The following ZNF77 variants were observed in gnomAD, a reference collection of about 807,000 sequenced individuals.
ZNF77 encodes zinc finger protein 77, also known as ZNFpT1.
Under a neutral mutation model 13.5 loss-of-function variants are expected in ZNF77, and 15 were observed. The observed-to-expected ratio is 1.11, with a 90% CI of 0.74 to 1.71. The LOEUF is 1.71. Ranked by LOEUF, ZNF77 falls within the 40% of genes most tolerant of loss-of-function variation. ZNF77 has a pLI of 0.00. For missense variants in ZNF77, 717 were observed against 676.4 expected, an observed-to-expected ratio of 1.06 and a Z score of -0.67; for synonymous variants, 282 against 250.0, an observed-to-expected ratio of 1.13 and a Z score of -1.21.
chr19:2,939,779 C>A, intron 1 of ZNF77: 1 of 253,052 alleles, frequency 4.0e-6, no homozygotes, highest in South Asian at 4.6e-5. Flanking sequence ...GGCGACCAGC[C>A]TGGGCTGCAT....
At chr19:2,942,449 C>T (rs1481688226) in intron 1 of ZNF77, among the ~76,000 whole-genome samples, 2 of 144,810 alleles carry the variant, frequency 1.4e-5, no homozygotes, top group East Asian at 2.1e-4. Context: ...GCCTCAAACT[C>T]GTGGGCTCAA....
rs760526770 is a variant in ZNF77, at chr19:2,934,339, G to A, written c.788C>T (p.Thr263Ile). ...CTTACACTCATAGGGTTTCTCTCCT[G>A]TGTGAGTTCTTACGTGCCGTGTAAG... ...SYLTRHVRTH[T>I]GEKPYECKEC... Residue 263 changes from threonine (T) to isoleucine (I), a missense_variant, in exon 4 of 4, where the codon ACA (threonine) becomes ATA (isoleucine). By Grantham distance (89) the Thr-to-Ile change is moderately conservative. Transcript: ENST00000314531. 1.9e-6 allele frequency: 3 copies of A among 1,614,186 alleles called. No individual in the cohort carries two copies. The highest frequency in any genetic ancestry group is 1.1e-5 in the South Asian group (1 of 91,084).
chr19:2,935,281 G>T lies in ZNF77; in HGVS notation c.312-466C>A, dbSNP rs560686906. Among the ~76,000 whole-genome samples, 563 of 149,574 alleles carry T rather than the reference G, an allele frequency of 3.8e-3. 6 individuals are homozygous for T. The highest frequency in any genetic ancestry group is 0.013 in the African/African-American group (537 of 40,498). Reference sequence around the variant, plus strand: ...GATCCGCCTGCCTCGGCCTCCCAAAGTGCTGGGATTACAGGTGTGAGCCAC... The same window carrying T: ...GATCCGCCTGCCTCGGCCTCCCAAATTGCTGGGATTACAGGTGTGAGCCAC... On this transcript the variant is annotated intron_variant, in intron 3 of 3. Coordinates refer to ENST00000314531, the MANE Select transcript of ZNF77 (RefSeq NM_021217.3).
intron 1 of ZNF77, among the ~76,000 whole-genome samples, chr19:2,942,748 T>C (rs2144971158): frequency 6.6e-6 from 1 of 151,988 alleles, no homozygotes; most frequent in South Asian, 2.1e-4. Flanking sequence ...TTCACGCAGA[T>C]GACAAGGCCA....
chr19:2,935,528 T>C (rs963594756), intron 3 of ZNF77, among the ~76,000 whole-genome samples: 1 of 147,834 alleles, frequency 6.8e-6, no homozygotes, highest in Non-Finnish European at 1.5e-5. Context: ...ATGGGGTTTC[T>C]CCATGTTGGT....
At chr19:2,944,725 G>T in intron 1 of ZNF77, 113 bp downstream of exon 1, 2 of 1,379,788 alleles carry the variant, frequency 1.4e-6, no homozygotes, top group Non-Finnish European at 1.9e-6. Flanking sequence ...GGCGCTCGTC[G>T]TGCGCCGCCC....
intron 1 of ZNF77, among the ~76,000 whole-genome samples, chr19:2,943,214 C>A (rs548017076): frequency 3.3e-5 from 5 of 152,084 alleles, no homozygotes; most frequent in Non-Finnish European, 7.4e-5. Context: ...CTTATACCCC[C>A]ACCCCACTGC....
At position 2,934,490 on chromosome 19, in the gene ZNF77, C is replaced by G. The variant is rs2088377810; in HGVS notation, c.637G>C (p.Glu213Gln). The G allele has an allele frequency of 7.4e-6, 12 of 1,614,224 alleles. No individual in the cohort carries two copies. Among genetic ancestry groups the G allele is most frequent in the African/African-American group, 1.3e-5 (1 of 75,066 alleles). ...VKSLSSKKSY[E>Q]CQKCGKAFIC... Reference sequence around the variant, plus strand: ...AAAGCTTTTCCACATTTCTGACATTCATAAGACTTTTTACTGCTGAGACTT... The same window carrying G: ...AAAGCTTTTCCACATTTCTGACATTGATAAGACTTTTTACTGCTGAGACTT... Residue 213 changes from glutamate (E) to glutamine (Q), a missense_variant, in exon 4 of 4, where the codon GAA becomes CAA. Glu to Gln is a conservative substitution (Grantham distance 29). Coordinates refer to ENST00000314531, the MANE Select transcript of ZNF77 (RefSeq NM_021217.3).
In ZNF77 at chr19:2,933,988, T is replaced by A. The variant is rs771819659; in HGVS notation, c.1139A>T (p.Tyr380Phe). 4.3e-6 allele frequency: 7 copies of A among 1,614,066 alleles called. No individual in the cohort carries two copies. The highest frequency in any genetic ancestry group is 1.3e-5 in the African/African-American group (1 of 74,926). ...HMRMHTGEKP[Y>F]VCKQCGKAFG... Reference sequence around the variant, plus strand: ...GGCCTTCCCACACTGCTTGCACACATAGGGCTTCTCTCCGGTGTGCATTCT... The same window carrying A: ...GGCCTTCCCACACTGCTTGCACACAAAGGGCTTCTCTCCGGTGTGCATTCT... The change falls in exon 4 of 4, where the codon TAT (tyrosine) becomes TTT (phenylalanine). Residue 380 changes from tyrosine (Y) to phenylalanine (F), a missense_variant. Physicochemically the swap from Tyr to Phe is conservative, Grantham distance 22 (BLOSUM62 3). Transcript: ENST00000314531.
Position 2,944,047 on chromosome 19 carries a change from C to G in ZNF77, c.3+791G>C, listed in dbSNP as rs181697179. Among the ~76,000 whole-genome samples the G allele has an allele frequency of 3.9e-3, 594 of 151,962 alleles. 5 individuals are homozygous for G. Among genetic ancestry groups the G allele is most frequent in the African/African-American group, 0.014 (564 of 41,444 alleles). On this transcript the variant is annotated intron_variant, in intron 1 of 3. Transcript: ENST00000314531. Reference sequence around the variant, plus strand: ...ATTTGACAGGCTCCAGGACAGGGCACCACCTCCTCCTTGGCAGACCTTCCC... The same window carrying G: ...ATTTGACAGGCTCCAGGACAGGGCAGCACCTCCTCCTTGGCAGACCTTCCC...
chr19:2,937,670 G>A (rs1000962104), intron 2 of ZNF77, among the ~76,000 whole-genome samples: 14 of 152,064 alleles, frequency 9.2e-5, no homozygotes, highest in African/African-American at 3.1e-4. Context: ...GGAGGACAGT[G>A]CAGGGGGGTG....
Position 2,936,703 on chromosome 19 carries a change from A to G in ZNF77, c.132T>C (p.Asp44=). ...LETCRNLASL[D]CYIYVRTSGS... is the part of the protein sequence containing the mutation. ...CACTGGTTCTAACATAAATGTAACA[A>G]TCTGCAACAATCAATTACACAATTT... Residue 44 remains aspartate, a splice_region_variant and synonymous_variant, in exon 3 of 4, where the codon GAT becomes GAC. Transcript: ENST00000314531. The G allele has an allele frequency of 6.3e-7, 1 of 1,599,546 alleles. No homozygotes were observed. The highest frequency in any genetic ancestry group is 8.5e-7 in the Non-Finnish European group (1 of 1,176,236).
chr19:2,939,558 C>T (rs954844546), intron 1 of ZNF77, 151 bp from the exon 2 acceptor site: 1 of 1,076,718 alleles, frequency 9.3e-7, no homozygotes, highest in Non-Finnish European at 1.3e-6. Context: ...GTGCAGTACA[C>T]TCAATGCCGT....
Position 2,936,349 on chromosome 19 carries a change from G to A in ZNF77, c.311+175C>T, listed in dbSNP as rs111831770. 3.4e-3 allele frequency among the ~76,000 whole-genome samples: 522 copies of A among 152,202 alleles called. 1 individual carries two copies. The highest frequency in any genetic ancestry group is 0.012 in the African/African-American group (490 of 41,536). ...TTTTTAGTAGAGATGGGGTTTCTCC[G>A]TGTTGGCCAAGCTGGTTTCGAACTA... On this transcript the variant is annotated intron_variant, in intron 3 of 3. Coordinates refer to ENST00000314531, the MANE Select transcript of ZNF77 (RefSeq NM_021217.3).
Position 2,934,415 on chromosome 19 carries a change from T to C in ZNF77, c.712A>G (p.Lys238Glu), listed in dbSNP as rs1397190505. The change falls in exon 4 of 4, where the codon AAA becomes GAA. Residue 238 changes from lysine to glutamate, a missense_variant. Physicochemically the swap from Lys to Glu is moderately conservative, Grantham distance 56. Transcript: ENST00000314531. ...RGHVNSHHGQ[K>E]THACKVCGKT... ...CCACATACTTTACATGCATGGGTTT[T>C]CTGCCCATGATGACTATTCACATGT... The C allele has an allele frequency of 1.2e-6, 2 of 1,614,144 alleles. No homozygotes were observed. The highest frequency in any genetic ancestry group is 1.7e-5 in the Admixed American group (1 of 60,010).
At chr19:2,935,974 GC>G (rs2088392810) in intron 3 of ZNF77, among the ~76,000 whole-genome samples, 3 of 151,538 alleles carry the variant, frequency 2.0e-5, no homozygotes, top group African/African-American at 7.3e-5. Context: ...CAAGATCCGT[GC>G]CACTGCACTT....
At chr19:2,938,463 A>C (rs1005812617) in intron 2 of ZNF77, among the ~76,000 whole-genome samples, 1 of 152,226 alleles carries the variant, frequency 6.6e-6, no homozygotes, top group Non-Finnish European at 1.5e-5. Flanking sequence ...TGTTGCCCCA[A>C]CGTGACACAG....
At chr19:2,940,678 GA>G (rs71179936) in intron 1 of ZNF77, among the ~76,000 whole-genome samples, 57,621 of 115,514 alleles carry the variant, frequency 0.5, 12,352 homozygotes, top group Middle Eastern at 0.57. Context: ...TCACAAAAAA[GA>G]AAAAAAAAAA....
chr19:2,936,304 C>T (rs770903815), intron 3 of ZNF77, among the ~76,000 whole-genome samples: 8 of 151,994 alleles, frequency 5.3e-5, no homozygotes, highest in African/African-American at 9.7e-5. Flanking sequence ...TGAGCCACCA[C>T]GCCCAGCTAA....
Sources: allele counts gnomAD v4.1 joint callset (sites outside exome capture counted in the v4.1 genomes callset), GRCh38; gene constraint gnomAD v4.1.1; transcripts MANE v1.5; gene names NCBI Gene and HGNC (gene_info 2026-07-23, HGNC 2026-07-21).